The following NR5A2 variants were observed in gnomAD, a reference collection of about 807,000 sequenced individuals.
NR5A2 encodes the protein nuclear receptor subfamily 5 group A member 2.
NR5A2 carries 26 observed loss-of-function variants against 62.7 expected under a neutral mutation model. The observed-to-expected ratio is 0.41, with a 90% CI of 0.30 to 0.58. The LOEUF is 0.58. NR5A2 is among the 20% of genes least tolerant of loss of function. The probability of loss-of-function intolerance (pLI) is 0.22; values close to 1 mark genes in which losing one functional copy is unlikely to be tolerated. For missense variants in NR5A2, 541 were observed against 669.1 expected (o/e 0.81, Z 2.11); for synonymous variants, 246 against 241.7 (o/e 1.02, Z -0.16).
In NR5A2 at chr1:200,032,134, A is replaced by G. The variant is rs115783069; in HGVS notation, c.64+4223A>G. On this transcript the variant is annotated intron_variant, in intron 1 of 7. Coordinates refer to ENST00000367362, the MANE Select transcript of NR5A2 (RefSeq NM_205860.3). ...ACTTCACTCCGCAGCTCTAGAGTCTACCTTAGGATAGAACTAGTTCTTTGA... is the reference window on the plus strand; with the variant it reads ...ACTTCACTCCGCAGCTCTAGAGTCTGCCTTAGGATAGAACTAGTTCTTTGA... Among the ~76,000 whole-genome samples, 617 of 152,292 alleles carry G rather than the reference A, an allele frequency of 4.1e-3. 6 individuals carry two copies. Among genetic ancestry groups the G allele is most frequent in the Non-Finnish European group, 7.2e-3 (487 of 68,040 alleles).
intron 1 of NR5A2, among the ~76,000 whole-genome samples, chr1:200,034,543 G>A (rs3790852): frequency 0.1 from 14,106 of 139,360 alleles, 741 homozygotes; most frequent in African/African-American, 0.16. Flanking sequence ...CGATATCCAG[G>A]CCAAACTCTC....
chr1:200,118,829 A>G (rs371821003), intron 6 of NR5A2, among the ~76,000 whole-genome samples: 3 of 152,220 alleles, frequency 2.0e-5, no homozygotes, highest in Admixed American at 6.5e-5. Context: ...AATAATCCCA[A>G]TGTGCCCCAC....
At chr1:200,061,901 G>T (rs1321627009) in intron 5 of NR5A2, among the ~76,000 whole-genome samples, 1 of 152,110 alleles carries the variant, frequency 6.6e-6, no homozygotes, top group African/African-American at 2.4e-5. Flanking sequence ...GAGAGAGCAG[G>T]ATAATTACTT....
intron 5 of NR5A2, among the ~76,000 whole-genome samples, chr1:200,107,175 CTA>C (rs1665717512): frequency 3.0e-5 from 1 of 33,068 alleles, no homozygotes; most frequent in African/African-American, 1.9e-4. Flanking sequence ...GTCATTAATT[CTA>C]CAAACAAACA....
Position 200,043,808 on chromosome 1 carries a change from TGAA to T in NR5A2, c.240_242del (p.Glu80del). The T allele has an allele frequency of 6.2e-7, 1 of 1,613,494 alleles. No individual in the cohort carries two copies. Among genetic ancestry groups the T allele is most frequent in the Non-Finnish European group, 8.5e-7 (1 of 1,179,484 alleles). On this transcript the variant is annotated inframe_deletion, in exon 3 of 8. Coordinates refer to ENST00000367362, the MANE Select transcript of NR5A2 (RefSeq NM_205860.3). ...TTAAAATGGTGAATTACTCCTATGA[TGAA>T]GATCTGGAAGAGCTTTGTCCCGTGT... is the stretch of plus-strand genomic sequence containing the variant.
In NR5A2 at chr1:200,039,622, T is replaced by C. The variant is rs748017699; in HGVS notation, c.65-36T>C. The C allele has an allele frequency of 3.6e-5, 58 of 1,606,296 alleles. No individual in the cohort carries two copies. Among genetic ancestry groups the C allele is most frequent in the South Asian group, 2.1e-4 (19 of 90,826 alleles). On this transcript the variant is annotated intron_variant, in intron 1 of 7. Coordinates refer to ENST00000367362, the MANE Select transcript of NR5A2 (RefSeq NM_205860.3). The surrounding 1 kb of genome is among the most constrained non-coding windows in gnomAD (Gnocchi z 5.1). ...GGCATCCCGGTCGCCCCTTCCTTCT[T>C]TTCGCCGGAGTTGAATCTGTGCTGC...
intron 6 of NR5A2, among the ~76,000 whole-genome samples, chr1:200,114,317 A>AAGT (rs3034005): frequency 0.43 from 65,789 of 151,278 alleles, 14,632 homozygotes; most frequent in East Asian, 0.68. Context: ...TATGATATGA[A>AAGT]AGTTGAAGGA....
rs1654321564 is a variant in NR5A2 at position 200,174,258 on chromosome 1, G to A, written c.*48G>A. On this transcript the variant is annotated 3_prime_UTR_variant, in exon 8 of 8. Coordinates refer to ENST00000367362, the MANE Select transcript of NR5A2 (RefSeq NM_205860.3). The stretch of plus-strand genomic sequence containing the variant: ...CTTTCAAAACAAAAAGAGATTGGGG[G>A]AGTGGGGAGGGGGAAGAAGAACAGG... 2.0e-6 allele frequency: 3 copies of A among 1,471,092 alleles called. No individual in the cohort carries two copies. Among genetic ancestry groups the A allele is most frequent in the Non-Finnish European group, 2.7e-6 (3 of 1,109,744 alleles). 91.1% of individuals were successfully genotyped at this position (1,471,092 alleles called of 1,614,324 possible). A position where few individuals can be genotyped will look rare whatever the true frequency, so the allele number is the denominator to read the frequency against.
chr1:200,119,985 A>G (rs1239742444), intron 6 of NR5A2, among the ~76,000 whole-genome samples: 1 of 152,080 alleles, frequency 6.6e-6, no homozygotes, highest in Admixed American at 6.6e-5. Flanking sequence ...TTATTCTCCT[A>G]AATAAAGTTA....
chr1:200,171,934 G>A (rs998338824), intron 7 of NR5A2, among the ~76,000 whole-genome samples: 2 of 152,084 alleles, frequency 1.3e-5, no homozygotes, highest in African/African-American at 4.8e-5. Flanking sequence ...TGTTAAAACT[G>A]GTTCTCAAAA....
At chr1:200,112,489 G>T (rs1666000304) in intron 6 of NR5A2, among the ~76,000 whole-genome samples, 1 of 152,176 alleles carries the variant, frequency 6.6e-6, no homozygotes, top group Non-Finnish European at 1.5e-5. Flanking sequence ...AAATGTTTAT[G>T]TGCTGTGAAA....
intron 7 of NR5A2, among the ~76,000 whole-genome samples, chr1:200,168,678 C>A (rs16846191): frequency 0.025 from 3,858 of 152,212 alleles, 147 homozygotes; most frequent in African/African-American, 0.085. Flanking sequence ...GACAGAATCT[C>A]AGTTTAGGTG....
At chr1:200,169,225 A>G (rs1249975379) in intron 7 of NR5A2, among the ~76,000 whole-genome samples, 1 of 152,176 alleles carries the variant, frequency 6.6e-6, no homozygotes, top group Non-Finnish European at 1.5e-5. Context: ...TTAAAAAAAA[A>G]TCAGACAATA....
At chr1:200,058,950 A>C (rs1663060204) in intron 5 of NR5A2, among the ~76,000 whole-genome samples, 2 of 151,378 alleles carry the variant, frequency 1.3e-5, no homozygotes, top group Non-Finnish European at 2.9e-5. Flanking sequence ...TCTCTACAAA[A>C]ATTATGAAAA....
intron 5 of NR5A2, among the ~76,000 whole-genome samples, chr1:200,067,098 C>T (rs1357220651): frequency 6.6e-6 from 1 of 152,120 alleles, no homozygotes; most frequent in African/African-American, 2.4e-5. Context: ...AAATTTATTT[C>T]AGTAATTAAG....
chr1:200,172,048 C>T (rs1215030762), intron 7 of NR5A2, among the ~76,000 whole-genome samples: 1 of 152,176 alleles, frequency 6.6e-6, no homozygotes. Flanking sequence ...TCTACATCCT[C>T]TCTATTAATC....
At chr1:200,141,516 G>T (rs1299836424) in intron 7 of NR5A2, among the ~76,000 whole-genome samples, 1 of 152,148 alleles carries the variant, frequency 6.6e-6, no homozygotes, top group African/African-American at 2.4e-5. Context: ...CTTATTGAAA[G>T]ACATTTGAGT....
chr1:200,061,077 C>T (rs997515906), intron 5 of NR5A2, among the ~76,000 whole-genome samples: 5 of 143,500 alleles, frequency 3.5e-5, no homozygotes, highest in Admixed American at 7.1e-5. Flanking sequence ...CCAAGATTTG[C>T]GCCACTGTGC....
At chr1:200,131,570 A>G (rs1189007788) in intron 7 of NR5A2, among the ~76,000 whole-genome samples, 1 of 152,236 alleles carries the variant, frequency 6.6e-6, no homozygotes, top group African/African-American at 2.4e-5. Context: ...TGAGAATGCC[A>G]TGTGCTCTTG....
Sources: gnomAD v4.1 joint callset for allele counts (sites outside exome capture counted in the v4.1 genomes callset) on GRCh38, gnomAD v4.1.1 for gene constraint, Gnocchi (gnomAD v3.1) non-coding constraint, MANE v1.5 for transcripts, NCBI Gene and HGNC (gene_info 2026-07-23, HGNC 2026-07-21) for gene names.